The following CCDC7 variants were observed in gnomAD, a reference collection of about 807,000 sequenced individuals.
CCDC7 encodes coiled-coil domain containing 7, also known as coiled-coil domain-containing protein 7.
A neutral mutation model predicts 196.9 loss-of-function variants in CCDC7; 183 were observed. That is an observed-to-expected ratio of 0.93 (90% CI 0.82 to 1.05). The LOEUF (loss-of-function observed/expected upper bound fraction) is 1.05. Among genes scored for constraint, CCDC7 ranks in the 50% least tolerant of loss-of-function variants. The pLI is 0.00. For missense variants in CCDC7, 1,540 were observed against 1,482.2 expected (o/e 1.04, Z -0.64); for synonymous variants, 525 against 484.6 (o/e 1.08, Z -1.10).
intron 18 of CCDC7, among the ~76,000 whole-genome samples, chr10:32,600,886 C>G (rs745547520): frequency 2.6e-5 from 4 of 152,106 alleles, no homozygotes; most frequent in Admixed American, 2.6e-4. Context: ...TGAAGGATCT[C>G]TTTTGTATTA....
chr10:32,720,422 G>T (rs141400004), intron 25 of CCDC7, among the ~76,000 whole-genome samples: 11 of 152,114 alleles, frequency 7.2e-5, no homozygotes, highest in African/African-American at 2.7e-4. Context: ...GGGCCTGTTG[G>T]GGGGTAGGGG....
chr10:32,676,525 A>G (rs1037488531), intron 21 of CCDC7, among the ~76,000 whole-genome samples: 6 of 152,082 alleles, frequency 3.9e-5, no homozygotes, highest in African/African-American at 1.4e-4. Context: ...ATTTACAAGA[A>G]AAAAACAAAC....
intron 9 of CCDC7, 43 bp downstream of exon 10, chr10:32,492,040 A>T (rs751881635): frequency 7.4e-5 from 109 of 1,479,472 alleles, no homozygotes; most frequent in Non-Finnish European, 8.9e-5. Flanking sequence ...TTCTATTTTT[A>T]AAAAAAGACA....
At chr10:32,780,015 G>A (rs1165932004) in intron 29 of CCDC7, among the ~76,000 whole-genome samples, 1 of 152,180 alleles carries the variant, frequency 6.6e-6, no homozygotes, top group East Asian at 1.9e-4. Flanking sequence ...TAGGCAGGTA[G>A]ATCACGAGGT....
chr10:32,859,042 T>A (rs543636491), intron 41 of CCDC7, among the ~76,000 whole-genome samples: 11 of 152,218 alleles, frequency 7.2e-5, no homozygotes, highest in African/African-American at 2.4e-4. Context: ...ATCCAGGACT[T>A]GAACTCAGCT....
At chr10:32,763,265 G>A (rs1371085743) in intron 28 of CCDC7, among the ~76,000 whole-genome samples, 1 of 151,866 alleles carries the variant, frequency 6.6e-6, no homozygotes, top group African/African-American at 2.4e-5. Context: ...ATGAAAAGAT[G>A]CTCAACATCA....
chr10:32,510,827 CTAAAATCATGAAAACA>C (rs1589361084), intron 9 of CCDC7, among the ~76,000 whole-genome samples: 1 of 151,796 alleles, frequency 6.6e-6, no homozygotes, highest in African/African-American at 2.4e-5. Context: ...GCAGTAATTC[CTAAAATCATGAAAACA>C]TGATAAAGTA....
At chr10:32,644,214 CTT>C (rs1319526689) in intron 20 of CCDC7, among the ~76,000 whole-genome samples, 4 of 152,044 alleles carry the variant, frequency 2.6e-5, no homozygotes, top group Admixed American at 2.6e-4. Context: ...CATTCAAAAT[CTT>C]CTTGTCTAGC....
At chr10:32,623,774 T>C (rs1406843948) in intron 18 of CCDC7, 1 of 470,398 alleles carries the variant, frequency 2.1e-6, no homozygotes, top group East Asian at 7.0e-5. Context: ...TCAGGGAGCT[T>C]CTACTCGTGC....
At chr10:32,630,562 C>A (rs1297845014) in intron 18 of CCDC7, among the ~76,000 whole-genome samples, 1 of 151,986 alleles carries the variant, frequency 6.6e-6, no homozygotes, top group African/African-American at 2.4e-5. Flanking sequence ...GACCCCGATA[C>A]AATAATAGCT....
chr10:32,879,844 G>C (rs867249667), downstream of CCDC7, among the ~76,000 whole-genome samples: 68 of 151,626 alleles, frequency 4.5e-4, no homozygotes, highest in African/African-American at 1.3e-3. Flanking sequence ...TGAGTATAAT[G>C]ACTTCCAGCT....
Position 32,496,772 on chromosome 10 carries a change from G to A in CCDC7, c.872+4775G>A, listed in dbSNP as rs2042976398. Among the ~76,000 whole-genome samples, 3 of 152,178 alleles carry A rather than the reference G, an allele frequency of 2.0e-5. No individual in the cohort carries two copies. In the South Asian group the frequency reaches 6.2e-4, roughly 32 times the overall value. On this transcript the variant is annotated intron_variant, in intron 9 of 41. Transcript: ENST00000639629. Reference sequence around the variant, plus strand: ...GATCATGGTGGACAAGCTTTTTGATGTGCTTCTGGATTCAGTTTATCAGTA... The same window carrying A: ...GATCATGGTGGACAAGCTTTTTGATATGCTTCTGGATTCAGTTTATCAGTA...
intron 19 of CCDC7, 113 bp downstream of exon 20, chr10:32,634,477 A>G: frequency 2.7e-6 from 1 of 365,542 alleles, no homozygotes; most frequent in Non-Finnish European, 4.6e-6. Context: ...GCTCACTGCA[A>G]CCTCCATCTT....
intron 33 of CCDC7, among the ~76,000 whole-genome samples, chr10:32,844,330 C>T (rs1028674244): frequency 2.0e-5 from 3 of 151,914 alleles, no homozygotes; most frequent in Non-Finnish European, 4.4e-5. Flanking sequence ...ACAAAGTCTA[C>T]AAACTCAAGA....
At chr10:32,694,384 A>G (rs2077441507) in intron 23 of CCDC7, among the ~76,000 whole-genome samples, 1 of 152,164 alleles carries the variant, frequency 6.6e-6, no homozygotes, top group African/African-American at 2.4e-5. Context: ...GTTTATGTCA[A>G]TTTGCCTACG....
intron 28 of CCDC7, among the ~76,000 whole-genome samples, chr10:32,748,375 A>G (rs912814713): frequency 6.6e-6 from 1 of 152,198 alleles, no homozygotes; most frequent in South Asian, 2.1e-4. Context: ...AAAGTAAAAC[A>G]TGTAACTTTT....
intron 11 of CCDC7, among the ~76,000 whole-genome samples, chr10:32,542,688 C>T (rs1367346820): frequency 6.7e-6 from 1 of 150,040 alleles, no homozygotes; most frequent in East Asian, 2.0e-4. Context: ...CCTTGGTTCA[C>T]CTGTATATAG....
chr10:32,694,632 AAATAAC>A (rs1288340362), intron 23 of CCDC7, among the ~76,000 whole-genome samples: 1 of 152,224 alleles, frequency 6.6e-6, no homozygotes, highest in Admixed American at 6.5e-5. Flanking sequence ...CCTAAAGTAT[AAATAAC>A]ATAAGGAAAC....
rs899298712 is a variant in CCDC7, at chr10:32,771,897, G to A, written c.2906-7080G>A. Among the ~76,000 whole-genome samples the A allele has an allele frequency of 2.0e-5, 3 of 152,220 alleles. No homozygotes were observed. The South Asian group carries it at 6.2e-4, about 31-fold the overall frequency. On this transcript the variant is annotated intron_variant, in intron 28 of 41. Transcript: ENST00000639629. ...CAGTGCTATTCTGCCAGGAGATACTGTAGTGGATTGTCTTGGCTGGCCTCC... is the reference window on the plus strand; with the variant it reads ...CAGTGCTATTCTGCCAGGAGATACTATAGTGGATTGTCTTGGCTGGCCTCC...
Sources: gnomAD v4.1 joint callset for allele counts (sites outside exome capture counted in the v4.1 genomes callset) on GRCh38, gnomAD v4.1.1 for gene constraint, MANE v1.5 for transcripts, NCBI Gene and HGNC (gene_info 2026-07-23, HGNC 2026-07-21) for gene names.